TRIO: variants seen among roughly 807,000 people sequenced by gnomAD.
TRIO encodes the protein trio Rho guanine nucleotide exchange factor, also known as triple functional domain protein.
In TRIO, 58 loss-of-function variants were observed where a neutral mutation model predicts 351.9. The ratio of observed to expected loss-of-function variants is 0.16; its 90% confidence interval spans 0.13 to 0.21. The LOEUF is 0.21. Among genes scored for constraint, TRIO ranks in the 10% least tolerant of loss-of-function variants. The pLI, the probability that TRIO is intolerant of heterozygous loss-of-function variation, is 1.00. For missense variants in TRIO, 3,201 were observed against 4,027.8 expected, an observed-to-expected ratio of 0.79 and a Z score of 5.56; for synonymous variants, 1,758 against 1,595.7, an observed-to-expected ratio of 1.10 and a Z score of -2.42.
intron 10 of TRIO, among the ~76,000 whole-genome samples, chr5:14,332,771 G>A (rs1282670129): frequency 1.3e-5 from 2 of 152,068 alleles, no homozygotes; most frequent in Admixed American, 6.5e-5. Context: ...TCGGAGCCTC[G>A]GTTTTCCTTG....
intron 9 of TRIO, among the ~76,000 whole-genome samples, chr5:14,320,132 T>C (rs946292662): frequency 6.6e-6 from 1 of 152,016 alleles, no homozygotes; most frequent in African/African-American, 2.4e-5. Context: ...TATATACATC[T>C]CTCCATTGCC....
intron 27 of TRIO, 99 bp downstream of exon 27, chr5:14,391,089 T>G: frequency 1.2e-6 from 1 of 859,134 alleles, no homozygotes; most frequent in Admixed American, 3.4e-5. Context: ...TACAATGTTT[T>G]CATTTTTGTC....
chr5:14,271,825 T>G (rs1795992505), intron 2 of TRIO, among the ~76,000 whole-genome samples: 1 of 152,256 alleles, frequency 6.6e-6, no homozygotes, highest in African/African-American at 2.4e-5. Flanking sequence ...TTATAAGTTT[T>G]TCTGTCCTTT....
intron 30 of TRIO, chr5:14,399,409 CTTA>C: frequency 2.9e-6 from 1 of 350,636 alleles, no homozygotes; most frequent in Non-Finnish European, 5.1e-6. Flanking sequence ...TGACTAAGTT[CTTA>C]TTATAATTAA....
chr5:14,213,079 A>G (rs537625766), intron 1 of TRIO, among the ~76,000 whole-genome samples: 1 of 152,182 alleles, frequency 6.6e-6, no homozygotes, highest in Non-Finnish European at 1.5e-5. Flanking sequence ...TCCTGCTCCT[A>G]GAGGTTTGTG....
chr5:14,229,482 G>T (rs906980407), intron 1 of TRIO, among the ~76,000 whole-genome samples: 1 of 152,248 alleles, frequency 6.6e-6, no homozygotes, highest in Non-Finnish European at 1.5e-5. Context: ...CAGTGAAACT[G>T]TTAAACATGA....
At chr5:14,501,145 T>TC (rs1221906112) in intron 53 of TRIO, among the ~76,000 whole-genome samples, 13 of 152,086 alleles carry the variant, frequency 8.5e-5, no homozygotes, top group African/African-American at 3.1e-4. Context: ...TAAATAATAG[T>TC]CCAATATTTC....
At chr5:14,416,571 T>C (rs1157385608) in intron 33 of TRIO, among the ~76,000 whole-genome samples, 1 of 152,242 alleles carries the variant, frequency 6.6e-6, no homozygotes, top group African/African-American at 2.4e-5. Context: ...AAAAGGAATT[T>C]TAACTTTGTA....
Position 14,177,800 on chromosome 5 carries a change from G to A in TRIO, c.157+33918G>A, listed in dbSNP as rs570071367. 5.3e-5 allele frequency among the ~76,000 whole-genome samples: 8 copies of A among 152,254 alleles called. No individual in the cohort carries two copies. The South Asian group carries it at 1.7e-3, about 32-fold the overall frequency. ...GGGCTGAGTATATGGACTGCAGGAA[G>A]GAGGGGCTGCTTTGCATCTTCATGC... On this transcript the variant is annotated intron_variant, in intron 1 of 56. Transcript: ENST00000344204.
At position 14,346,041 on chromosome 5, in the gene TRIO, G is replaced by A. The variant is rs924872143; in HGVS notation, c.2046+9314G>A. On this transcript the variant is annotated intron_variant, in intron 11 of 56. Transcript: ENST00000344204. ...GATCTTCGTTGTTCTTATTGAATAG[G>A]TAGAGAGATTGGCCAACAATGTATT... is the stretch of plus-strand genomic sequence containing the variant. 2.0e-5 allele frequency among the ~76,000 whole-genome samples: 3 copies of A among 152,316 alleles called. No homozygotes were observed. In the East Asian group the frequency reaches 5.8e-4, roughly 29 times the overall value.
chr5:14,426,510 G>A (rs528402286), intron 34 of TRIO, among the ~76,000 whole-genome samples: 2 of 152,302 alleles, frequency 1.3e-5, no homozygotes, highest in East Asian at 1.9e-4. Context: ...TCCAAGGAAC[G>A]CTGAAGACCC....
At chr5:14,403,931 G>A (rs1254523125) in intron 31 of TRIO, among the ~76,000 whole-genome samples, 3 of 146,342 alleles carry the variant, frequency 2.0e-5, no homozygotes, top group Non-Finnish European at 4.5e-5. Context: ...GGTGGTGGTG[G>A]TGAGGGTGCA....
chr5:14,410,462 C>G (rs75588971), intron 33 of TRIO, among the ~76,000 whole-genome samples: 7,283 of 152,264 alleles, frequency 0.048, 553 homozygotes, highest in African/African-American at 0.17. Context: ...ACCAGCAACC[C>G]CATCTCCGGT....
At chr5:14,253,660 T>C (rs1794870558) in intron 1 of TRIO, among the ~76,000 whole-genome samples, 1 of 152,218 alleles carries the variant, frequency 6.6e-6, no homozygotes, top group Non-Finnish European at 1.5e-5. Context: ...GGATTCTTGA[T>C]CAAAAGTGTT....
chr5:14,487,187 C>G (rs548167877), intron 47 of TRIO, among the ~76,000 whole-genome samples: 26 of 152,162 alleles, frequency 1.7e-4, no homozygotes, highest in Non-Finnish European at 3.4e-4. Flanking sequence ...TGGAGGAGTT[C>G]TAGTCAAATC....
At position 14,177,180 on chromosome 5, in the gene TRIO, G is replaced by C. The variant is rs6881595; in HGVS notation, c.157+33298G>C. ...AGGTGATTTATTCTGGAATTCACTTGAGTGTTGAAAACAGATTATTATTTA... is the reference window on the plus strand; with the variant it reads ...AGGTGATTTATTCTGGAATTCACTTCAGTGTTGAAAACAGATTATTATTTA... On this transcript the variant is annotated intron_variant, in intron 1 of 56. Coordinates refer to ENST00000344204, the MANE Select transcript of TRIO (RefSeq NM_007118.4). Among the ~76,000 whole-genome samples, 457 of 152,300 alleles carry C rather than the reference G, an allele frequency of 3.0e-3. 2 individuals carry two copies. The highest frequency in any genetic ancestry group is 9.9e-3 in the African/African-American group (410 of 41,554).
chr5:14,387,768 A>G lies in TRIO; in HGVS notation c.3802A>G (p.Ile1268Val), dbSNP rs1746674920. ...CCAGCTAGATATCATTCCAGCCAGT[A>G]TCCCTGGCTCAGAGGTGAAACTTCG... is the stretch of plus-strand genomic sequence containing the variant. ...SLQLDIIPAS[I>V]PGSEVKLRDA... The change falls in exon 23 of 57, where the codon ATC (isoleucine) becomes GTC (valine). Residue 1268 changes from isoleucine to valine, a missense_variant. Around this residue, in one of 19 missense-constraint regions of TRIO, gnomAD observed 201 missense variants for 266.5 expected, o/e 0.75. Coordinates refer to ENST00000344204, the MANE Select transcript of TRIO (RefSeq NM_007118.4). 1.2e-6 allele frequency: 2 copies of G among 1,614,256 alleles called. No homozygotes were observed. Among genetic ancestry groups the G allele is most frequent in the East Asian group, 2.2e-5 (1 of 44,892 alleles).
chr5:14,507,370 C>A, intron 56 of TRIO, 110 bp downstream of exon 56: 12 of 1,477,782 alleles, frequency 8.1e-6, no homozygotes, highest in Non-Finnish European at 8.1e-6. Context: ...TGACTAGGGA[C>A]AAAAAGGGTG....
At chr5:14,300,501 T>C (rs1737783656) in intron 7 of TRIO, among the ~76,000 whole-genome samples, 1 of 152,234 alleles carries the variant, frequency 6.6e-6, no homozygotes, top group Admixed American at 6.5e-5. Context: ...GGGTAGTGCT[T>C]GCAGAGGCTT....
Sources: allele counts gnomAD v4.1 joint callset (sites outside exome capture counted in the v4.1 genomes callset), GRCh38; gene constraint gnomAD v4.1.1; regional missense constraint gnomAD v4.1.1; transcripts MANE v1.5; gene names NCBI Gene and HGNC (gene_info 2026-07-23, HGNC 2026-07-21).